Variants in KCNQ5 observed in about 807,000 individuals in gnomAD.
The protein encoded by KCNQ5 is potassium voltage-gated channel subfamily KQT member 5.
Under a neutral mutation model 98.2 loss-of-function variants are expected in KCNQ5, and 30 were observed. The ratio of observed to expected loss-of-function variants is 0.31; its 90% CI spans 0.23 to 0.41. KCNQ5 has a LOEUF of 0.41. Ranked by LOEUF, KCNQ5 falls within the 10% of genes least tolerant of loss-of-function variation. The pLI is 1.00. For missense variants in KCNQ5, 835 were observed against 1,182.5 expected, an observed-to-expected ratio of 0.71 and a Z score of 4.31; for synonymous variants, 458 against 449.4, an observed-to-expected ratio of 1.02 and a Z score of -0.24.
intron 1 of KCNQ5, among the ~76,000 whole-genome samples, chr6:72,760,672 G>A (rs1320323053): frequency 5.9e-5 from 9 of 152,038 alleles, no homozygotes; most frequent in African/African-American, 1.9e-4. Flanking sequence ...TAGAAGGGGC[G>A]GGTATTATTT....
chr6:72,684,908 C>T (rs1025180652), intron 1 of KCNQ5, among the ~76,000 whole-genome samples: 2 of 151,834 alleles, frequency 1.3e-5, no homozygotes, highest in African/African-American at 4.8e-5. Context: ...TTCTGAGGCC[C>T]CTAGGCATTG....
intron 1 of KCNQ5, among the ~76,000 whole-genome samples, chr6:72,998,870 A>T (rs1769433531): frequency 6.6e-6 from 1 of 152,210 alleles, no homozygotes. Context: ...GCTAGGTGGA[A>T]ATGTGTGGTT....
Position 73,129,757 on chromosome 6 carries a change from C to T in KCNQ5, c.1248-3664C>T, listed in dbSNP as rs746290611. 28 of 1,572,740 alleles carry T rather than the reference C, an allele frequency of 1.8e-5. No homozygotes were observed. In the South Asian group the frequency reaches 2.8e-4, roughly 16 times the overall value. ...TGAGCACTTTCCTATTCGTGAAATGCTTAGTAATGTGCTGCTCTATTTCCC... is the reference window on the plus strand; with the variant it reads ...TGAGCACTTTCCTATTCGTGAAATGTTTAGTAATGTGCTGCTCTATTTCCC... On this transcript the variant is annotated intron_variant, in intron 9 of 13. Coordinates refer to ENST00000370398, the MANE Select transcript of KCNQ5 (RefSeq NM_019842.4).
At chr6:73,143,404 G>A (rs1393132423) in intron 10 of KCNQ5, 1 of 152,200 alleles carries the variant, frequency 6.6e-6, no homozygotes, top group Non-Finnish European at 1.5e-5. Context: ...AGGAATGCCA[G>A]GAGTGAGTTT....
At chr6:72,811,738 G>A (rs538652233) in intron 1 of KCNQ5, among the ~76,000 whole-genome samples, 49 of 152,270 alleles carry the variant, frequency 3.2e-4, no homozygotes, top group Non-Finnish European at 5.4e-4. Context: ...TTACCGGAAA[G>A]GGTCCCAGTT....
intron 1 of KCNQ5, among the ~76,000 whole-genome samples, chr6:72,915,155 G>A (rs1257903263): frequency 6.6e-6 from 1 of 151,998 alleles, no homozygotes; most frequent in Non-Finnish European, 1.5e-5. Flanking sequence ...TTAGCAAAAA[G>A]TAAAAAATAA....
At chr6:73,045,259 TATAAC>T (rs1400761566) in intron 3 of KCNQ5, among the ~76,000 whole-genome samples, 1 of 152,188 alleles carries the variant, frequency 6.6e-6, no homozygotes, top group Non-Finnish European at 1.5e-5. Flanking sequence ...TTTAAACAAT[TATAAC>T]ATAAGGGAAG....
At chr6:72,858,188 C>T (rs1411974622) in intron 1 of KCNQ5, among the ~76,000 whole-genome samples, 2 of 152,080 alleles carry the variant, frequency 1.3e-5, no homozygotes, top group African/African-American at 4.8e-5. Context: ...CTTTAAAATA[C>T]ATTTTTGCTT....
At chr6:72,866,837 C>T (rs1778007221) in intron 1 of KCNQ5, among the ~76,000 whole-genome samples, 1 of 152,206 alleles carries the variant, frequency 6.6e-6, no homozygotes. Context: ...ACATTCTCAA[C>T]ACCATTAAAG....
chr6:73,047,701 C>T (rs1772035015), intron 3 of KCNQ5, among the ~76,000 whole-genome samples: 1 of 152,160 alleles, frequency 6.6e-6, no homozygotes, highest in South Asian at 2.1e-4. Flanking sequence ...TAAGAAAATT[C>T]ATTCACAGAC....
intron 10 of KCNQ5, among the ~76,000 whole-genome samples, chr6:73,138,088 C>T (rs550027383): frequency 2.6e-5 from 4 of 152,180 alleles, no homozygotes; most frequent in African/African-American, 4.8e-5. Flanking sequence ...TTTCAATGAC[C>T]GTTCTCTGTT....
chr6:72,644,921 G>GTCT (rs1765509949), intron 1 of KCNQ5, among the ~76,000 whole-genome samples: 1 of 152,126 alleles, frequency 6.6e-6, no homozygotes, highest in Admixed American at 6.6e-5. Context: ...GGAAAAGTTG[G>GTCT]TCTACATAAT....
chr6:73,128,628 T>A (rs1776094521), intron 9 of KCNQ5, among the ~76,000 whole-genome samples: 1 of 152,234 alleles, frequency 6.6e-6, no homozygotes, highest in Non-Finnish European at 1.5e-5. Context: ...GTTTTGAGAT[T>A]ATCTATACAT....
chr6:73,102,777 G>A (rs1046611754), intron 5 of KCNQ5, among the ~76,000 whole-genome samples: 2 of 152,074 alleles, frequency 1.3e-5, no homozygotes, highest in Non-Finnish European at 2.9e-5. Context: ...GCAAGGATTT[G>A]GAGAAAAGGA....
chr6:72,890,766 C>T (rs916499514), intron 1 of KCNQ5, among the ~76,000 whole-genome samples: 4 of 152,108 alleles, frequency 2.6e-5, no homozygotes, highest in African/African-American at 9.7e-5. Context: ...GCAAAAGCCC[C>T]ACATCACATA....
chr6:73,131,416 G>T (rs942202420), intron 9 of KCNQ5, among the ~76,000 whole-genome samples: 1 of 152,020 alleles, frequency 6.6e-6, no homozygotes, highest in Non-Finnish European at 1.5e-5. Flanking sequence ...TCCAGAAAAG[G>T]TAATAGATAA....
At chr6:73,158,144 C>CG (rs1179930088) in intron 10 of KCNQ5, 1 of 372,488 alleles carries the variant, frequency 2.7e-6, no homozygotes, top group African/African-American at 2.1e-5. Context: ...GCTCCTGGTG[C>CG]GGGGGAGGGG....
At chr6:72,804,023 T>C (rs1774814655) in intron 1 of KCNQ5, among the ~76,000 whole-genome samples, 1 of 152,164 alleles carries the variant, frequency 6.6e-6, no homozygotes, top group Non-Finnish European at 1.5e-5. Context: ...TAAACTTACA[T>C]GTCACCATTC....
chr6:72,688,268 C>A (rs868171423), intron 1 of KCNQ5, among the ~76,000 whole-genome samples: 2 of 152,186 alleles, frequency 1.3e-5, no homozygotes, highest in Non-Finnish European at 2.9e-5. Context: ...TTCAGGGGCT[C>A]TTCAAGATTT....
Sources: gnomAD v4.1 joint callset for allele counts (sites outside exome capture counted in the v4.1 genomes callset) on GRCh38, gnomAD v4.1.1 for gene constraint, MANE v1.5 for transcripts, NCBI Gene and HGNC (gene_info 2026-07-23, HGNC 2026-07-21) for gene names.